The following TMEM74 variants were observed in gnomAD, a reference collection of about 807,000 sequenced individuals.
TMEM74 encodes transmembrane protein 74.
In TMEM74, 13 loss-of-function variants were observed where a neutral mutation model predicts 18.1. The observed-to-expected ratio is 0.72, with a 90% confidence interval of 0.47 to 1.14. The LOEUF (loss-of-function observed/expected upper bound fraction) is 1.14, where lower values mean the gene tolerates loss of function less well. TMEM74 is among the 50% of genes most tolerant of loss of function. The pLI, the probability that TMEM74 is intolerant of heterozygous loss-of-function variation, is 0.00. For synonymous variants in TMEM74, 159 were observed against 146.6 expected (o/e 1.08, Z -0.61); for missense variants, 372 against 375.9 (o/e 0.99, Z 0.09).
chr8:108,787,129 T>A (rs1443646707), intron 1 of TMEM74, among the ~76,000 whole-genome samples: 2 of 152,158 alleles, frequency 1.3e-5, no homozygotes, highest in African/African-American at 4.8e-5. Context: ...GGACACGCAC[T>A]TTCCCTCGTC....
At chr8:108,622,659 T>A (rs2130544472) in intron 2 of TMEM74, among the ~76,000 whole-genome samples, 1 of 152,206 alleles carries the variant, frequency 6.6e-6, no homozygotes, top group Admixed American at 6.6e-5. Context: ...ATTTTGGGAA[T>A]TCTGTGAAGT....
chr8:108,650,892 G>GTA (rs1282983416), intron 2 of TMEM74, among the ~76,000 whole-genome samples: 1 of 151,894 alleles, frequency 6.6e-6, no homozygotes, highest in Non-Finnish European at 1.5e-5. Flanking sequence ...TGTATTTTTA[G>GTA]TAGAGACAGG....
intron 1 of TMEM74, among the ~76,000 whole-genome samples, chr8:108,673,651 A>G (rs1813025550): frequency 6.6e-6 from 1 of 152,232 alleles, no homozygotes; most frequent in South Asian, 2.1e-4. Flanking sequence ...TCGAGTGATA[A>G]AGACTATGCT....
intron 2 of TMEM74, among the ~76,000 whole-genome samples, chr8:108,611,356 C>T (rs967527417): frequency 3.7e-4 from 57 of 152,106 alleles, no homozygotes; most frequent in African/African-American, 1.4e-3. Context: ...CTTTCCTAAG[C>T]TAGGGTACAA....
intron 1 of TMEM74, among the ~76,000 whole-genome samples, chr8:108,786,223 G>A (rs1288960477): frequency 6.6e-6 from 1 of 152,180 alleles, no homozygotes; most frequent in Non-Finnish European, 1.5e-5. Flanking sequence ...CCTCACCCCC[G>A]ACTGCAGCAA....
intron 1 of TMEM74, among the ~76,000 whole-genome samples, chr8:108,724,894 C>T (rs1034752343): frequency 7.9e-5 from 12 of 152,132 alleles, no homozygotes; most frequent in Non-Finnish European, 1.5e-4. Context: ...ATATAATTTA[C>T]CTGCTTAGGA....
At chr8:108,701,946 G>T (rs929023382) in intron 1 of TMEM74, among the ~76,000 whole-genome samples, 2 of 151,976 alleles carry the variant, frequency 1.3e-5, no homozygotes, top group African/African-American at 4.8e-5. Context: ...CATAATAAAC[G>T]ACAACATTTT....
chr8:108,736,478 G>GTTCTT (rs1813750828), intron 1 of TMEM74, among the ~76,000 whole-genome samples: 1 of 152,068 alleles, frequency 6.6e-6, no homozygotes, highest in Non-Finnish European at 1.5e-5. Context: ...GCCACTCTTA[G>GTTCTT]AACAGTATTT....
At chr8:108,773,007 T>G (rs1255461796) in intron 1 of TMEM74, among the ~76,000 whole-genome samples, 1 of 152,190 alleles carries the variant, frequency 6.6e-6, no homozygotes, top group Non-Finnish European at 1.5e-5. Context: ...AGTAAGTTAC[T>G]TATTAATATG....
At chr8:108,699,032 G>T (rs1009206504) in intron 1 of TMEM74, among the ~76,000 whole-genome samples, 3 of 151,888 alleles carry the variant, frequency 2.0e-5, no homozygotes, top group African/African-American at 7.3e-5. Context: ...GCAAGATCAG[G>T]GCTCTCACTT....
intron 1 of TMEM74, among the ~76,000 whole-genome samples, chr8:108,689,659 G>T (rs1288825880): frequency 6.6e-6 from 1 of 152,170 alleles, no homozygotes; most frequent in Non-Finnish European, 1.5e-5. Flanking sequence ...AATGATGTTG[G>T]CTTTGGATTC....
intron 1 of TMEM74, among the ~76,000 whole-genome samples, chr8:108,655,642 A>G (rs1024736550): frequency 6.6e-6 from 1 of 152,102 alleles, no homozygotes; most frequent in African/African-American, 2.4e-5. Flanking sequence ...ATTCCAGGAG[A>G]ATTTCTTCTT....
rs1814294719 is a variant in TMEM74, at chr8:108,780,701, A to C, written c.*3480T>G. Among the ~76,000 whole-genome samples the C allele has an allele frequency of 6.6e-6, 1 of 152,208 alleles. No homozygotes were observed. The highest frequency in any genetic ancestry group is 2.4e-5 in the African/African-American group (1 of 41,464). The stretch of plus-strand genomic sequence containing the variant: ...ATCAAGGCAAGTAACTTGATAGAAC[A>C]GAATCAAGGGTTATAGCAGTCATGT... On this transcript the variant is annotated 3_prime_UTR_variant, in exon 2 of 2. Coordinates refer to ENST00000297459, the MANE Select transcript of TMEM74 (RefSeq NM_153015.3).
At chr8:108,662,533 T>C (rs528918839) in intron 1 of TMEM74, among the ~76,000 whole-genome samples, 1 of 152,152 alleles carries the variant, frequency 6.6e-6, no homozygotes, top group African/African-American at 2.4e-5. Context: ...TTAGTAGAAC[T>C]ACCCTGCTTA....
At chr8:108,742,911 C>T (rs540755636) in intron 1 of TMEM74, among the ~76,000 whole-genome samples, 2 of 152,096 alleles carry the variant, frequency 1.3e-5, no homozygotes, top group African/African-American at 2.4e-5. Context: ...TATTAATGAC[C>T]GAGTGTAACA....
chr8:108,639,647 CTCT>C (rs954648341), intron 2 of TMEM74, among the ~76,000 whole-genome samples: 15 of 152,214 alleles, frequency 9.9e-5, no homozygotes, highest in African/African-American at 3.4e-4. Context: ...TCATATAGGG[CTCT>C]TCTTATGCTA....
chr8:108,745,729 G>A (rs1278915477), intron 1 of TMEM74, among the ~76,000 whole-genome samples: 2 of 152,084 alleles, frequency 1.3e-5, no homozygotes, highest in Non-Finnish European at 2.9e-5. Context: ...TGCCTCCAAA[G>A]AAAGAAGAAG....
At chr8:108,708,454 T>A (rs147944150) in intron 1 of TMEM74, among the ~76,000 whole-genome samples, 1 of 152,274 alleles carries the variant, frequency 6.6e-6, no homozygotes, top group Non-Finnish European at 1.5e-5. Context: ...CTTTGAGGAA[T>A]CACCACACTG....
intron 2 of TMEM74, among the ~76,000 whole-genome samples, chr8:108,626,952 G>A (rs1477518404): frequency 6.6e-6 from 1 of 151,862 alleles, no homozygotes; most frequent in East Asian, 1.9e-4. Context: ...AAGAAGATTA[G>A]GTAATTTTGG....
Sources: gnomAD v4.1 joint callset for allele counts (sites outside exome capture counted in the v4.1 genomes callset) on GRCh38, gnomAD v4.1.1 for gene constraint, MANE v1.5 for transcripts, NCBI Gene and HGNC (gene_info 2026-07-23, HGNC 2026-07-21) for gene names.